The following MINPP1 variants were observed in gnomAD, a reference collection of about 807,000 sequenced individuals.
The protein encoded by MINPP1 is multiple inositol-polyphosphate phosphatase 1.
Under a neutral mutation model 46.1 loss-of-function variants are expected in MINPP1, and 28 were observed. The ratio of observed to expected loss-of-function variants is 0.61; its 90% confidence interval spans 0.45 to 0.83. The LOEUF (loss-of-function observed/expected upper bound fraction) is 0.83. MINPP1 is among the 40% of genes least tolerant of loss of function. MINPP1 has a pLI of 0.00. For synonymous variants in MINPP1, 268 were observed against 249.1 expected, an observed-to-expected ratio of 1.08 and a Z score of -0.72; for missense variants, 603 against 610.0, an observed-to-expected ratio of 0.99 and a Z score of 0.12.
intron 4 of MINPP1, among the ~76,000 whole-genome samples, chr10:87,531,330 A>G (rs1188103256): frequency 6.6e-6 from 1 of 152,160 alleles, no homozygotes; most frequent in African/African-American, 2.4e-5. Context: ...CCTCCTCATC[A>G]TCTTGCTTAT....
chr10:87,537,523 G>C (rs1428364081), intron 4 of MINPP1, among the ~76,000 whole-genome samples: 7 of 150,978 alleles, frequency 4.6e-5, no homozygotes, highest in Admixed American at 1.3e-4. Context: ...GTGTGTGTGT[G>C]TGTGTGTGTG....
intron 3 of MINPP1, among the ~76,000 whole-genome samples, chr10:87,517,371 G>A (rs984274636): frequency 5.9e-5 from 9 of 152,078 alleles, no homozygotes; most frequent in African/African-American, 2.2e-4. Context: ...CTGTAGCAGA[G>A]TATTAGAGGA....
Position 87,505,709 on chromosome 10 carries a change from G to A in MINPP1, c.637+157G>A, listed in dbSNP as rs908909244. ...TCGGGCTACGTCCTCCCTGTCGAGG[G>A]ATATTACAGACTTGGCTATCTCTTT... On this transcript the variant is annotated intron_variant, in intron 1 of 4. Coordinates refer to ENST00000371996, the MANE Select transcript of MINPP1 (RefSeq NM_004897.5). The surrounding 1 kb of genome is among the most constrained non-coding windows in gnomAD (Gnocchi z 4.4). Among the ~76,000 whole-genome samples, 3 of 152,174 alleles carry A rather than the reference G, an allele frequency of 2.0e-5. No homozygotes were observed. Among genetic ancestry groups the A allele is most frequent in the Non-Finnish European group, 4.4e-5 (3 of 68,024 alleles).
chr10:87,505,643 G>C lies in MINPP1; in HGVS notation c.637+91G>C. On this transcript the variant is annotated intron_variant, in intron 1 of 4. Coordinates refer to ENST00000371996, the MANE Select transcript of MINPP1 (RefSeq NM_004897.5). This position sits in a 1 kb window ranked among gnomAD's most constrained non-coding sequence, Gnocchi z 4.4. Reference sequence around the variant, plus strand: ...CCCCCAGACCCTGGGCTTTTCCGATGCCCCCCAGTTCTCTTTCCTCTTTTC... The same window carrying C: ...CCCCCAGACCCTGGGCTTTTCCGATCCCCCCCAGTTCTCTTTCCTCTTTTC... 2.5e-6 allele frequency: 3 copies of C among 1,196,848 alleles called. No individual in the cohort carries two copies. The highest frequency in any genetic ancestry group is 3.5e-6 in the Non-Finnish European group (3 of 853,254). 74.1% of individuals were successfully genotyped at this position (1,196,848 alleles called of 1,614,324 possible).
At position 87,552,592 on chromosome 10, in the gene MINPP1, G is replaced by A. The variant is rs1851980981; in HGVS notation, c.*114G>A. The A allele has an allele frequency of 9.3e-7, 1 of 1,080,158 alleles. No homozygotes were observed. Among genetic ancestry groups the A allele is most frequent in the African/African-American group, 1.6e-5 (1 of 63,520 alleles). 66.9% of individuals were successfully genotyped at this position (1,080,158 alleles called of 1,614,324 possible). On this transcript the variant is annotated 3_prime_UTR_variant, in exon 5 of 5. Transcript: ENST00000371996. ...GCTTTTATATTACTTGAGTATTTCTGTCTTTTCACAGAAAAACATTGGGTT... is the reference window on the plus strand; with the variant it reads ...GCTTTTATATTACTTGAGTATTTCTATCTTTTCACAGAAAAACATTGGGTT...
intron 4 of MINPP1, among the ~76,000 whole-genome samples, chr10:87,535,449 A>G (rs987549636): frequency 6.6e-5 from 10 of 152,214 alleles, no homozygotes; most frequent in African/African-American, 2.4e-4. Flanking sequence ...AAATTTGGCT[A>G]GAGAAGAATA....
In MINPP1 at chr10:87,535,150, G is replaced by A. The variant is rs533195973; in HGVS notation, c.1067+13981G>A. Among the ~76,000 whole-genome samples, 6 of 152,340 alleles carry A rather than the reference G, an allele frequency of 3.9e-5. No individual in the cohort carries two copies. The South Asian group carries it at 1.2e-3, about 32-fold the overall frequency. ...CTTCTGTGTGGATGTAAGATGTAAGGTGAGCCTTAATCATTGACACTGTAG... is the reference window on the plus strand; with the variant it reads ...CTTCTGTGTGGATGTAAGATGTAAGATGAGCCTTAATCATTGACACTGTAG... On this transcript the variant is annotated intron_variant, in intron 4 of 4. Transcript: ENST00000371996.
rs1851990044 is a variant in MINPP1 at position 87,553,298 on chromosome 10, T to G, written c.*820T>G. On this transcript the variant is annotated 3_prime_UTR_variant, in exon 5 of 5. Transcript: ENST00000371996. ...ATATGAAATGTATCTTTTGGTTGTT[T>G]GATTTTTCTTTCTTTCTTTGTAAAT... 6.6e-6 allele frequency: 1 copy of G among 152,148 alleles called. No individual in the cohort carries two copies. 9.4% of individuals were successfully genotyped at this position (152,148 alleles called of 1,614,324 possible).
At chr10:87,523,129 A>G (rs1851526318) in intron 4 of MINPP1, among the ~76,000 whole-genome samples, 1 of 152,126 alleles carries the variant, frequency 6.6e-6, no homozygotes. Flanking sequence ...CCTATCATCC[A>G]TGAGGGTTGG....
chr10:87,534,410 G>A (rs1851704773), intron 4 of MINPP1, among the ~76,000 whole-genome samples: 1 of 152,072 alleles, frequency 6.6e-6, no homozygotes, highest in East Asian at 1.9e-4. Flanking sequence ...AACTAGCCTG[G>A]CTGTACTCTG....
At chr10:87,510,736 G>T (rs888519343) in intron 2 of MINPP1, among the ~76,000 whole-genome samples, 11 of 152,124 alleles carry the variant, frequency 7.2e-5, no homozygotes, top group Non-Finnish European at 1.3e-4. Flanking sequence ...CTCTATCAAA[G>T]ACACAAAAGT....
At chr10:87,519,417 GAGAC>G (rs932780035) in intron 3 of MINPP1, among the ~76,000 whole-genome samples, 2 of 152,190 alleles carry the variant, frequency 1.3e-5, no homozygotes, top group Admixed American at 6.5e-5. Flanking sequence ...CTTGAGCTAA[GAGAC>G]AGCGTCACCT....
At position 87,516,205 on chromosome 10, in the gene MINPP1, A is replaced by G. The variant is rs1458480890; in HGVS notation, c.933+2984A>G. On this transcript the variant is annotated intron_variant, in intron 3 of 4. Coordinates refer to ENST00000371996, the MANE Select transcript of MINPP1 (RefSeq NM_004897.5). ...TAATTAGATATCCTGGACTTTGTGT[A>G]CCTTCAGCAAGCATTTTTTGAGTTT... Among the ~76,000 whole-genome samples the G allele has an allele frequency of 5.7e-5, 6 of 104,416 alleles. 1 individual carries two copies. 68.5% of individuals were successfully genotyped at this position (104,416 alleles called of 152,430 possible). A position where few individuals can be genotyped will look rare whatever the true frequency, so the allele number is the denominator to read the frequency against.
chr10:87,541,803 A>G (rs1851819252), intron 4 of MINPP1, among the ~76,000 whole-genome samples: 1 of 152,156 alleles, frequency 6.6e-6, no homozygotes, highest in African/African-American at 2.4e-5. Flanking sequence ...ACCAAATCTC[A>G]TATGAACTAA....
At chr10:87,523,955 G>A (rs1851538581) in intron 4 of MINPP1, among the ~76,000 whole-genome samples, 1 of 152,244 alleles carries the variant, frequency 6.6e-6, no homozygotes, top group Admixed American at 6.5e-5. Flanking sequence ...TATTTATAGA[G>A]CACAGGCAGA....
At chr10:87,517,403 G>C (rs557658551) in intron 3 of MINPP1, among the ~76,000 whole-genome samples, 1 of 152,060 alleles carries the variant, frequency 6.6e-6, no homozygotes, top group Non-Finnish European at 1.5e-5. Context: ...AGGGGCAAGC[G>C]GTAACTTCTT....
chr10:87,552,323 T>C lies in MINPP1; in HGVS notation c.1309T>C (p.Leu437=), dbSNP rs1589389176. ...TPKEQFRVQM[L]LNEKVLPLAY... is the part of the protein sequence containing the mutation. ...TAAAGAACAATTCCGAGTGCAGATG[T>C]TATTAAATGAAAAGGTGTTACCTTT... Residue 437 remains leucine (L), a synonymous_variant, in exon 5 of 5, where the codon TTA becomes CTA. Transcript: ENST00000371996. 1.2e-6 allele frequency: 2 copies of C among 1,613,832 alleles called. No homozygotes were observed. The highest frequency in any genetic ancestry group is 1.7e-5 in the Admixed American group (1 of 59,952).
chr10:87,513,356 C>T (rs1851363788), intron 3 of MINPP1, 135 bp downstream of exon 3: 1 of 665,634 alleles, frequency 1.5e-6, no homozygotes, highest in Non-Finnish European at 2.7e-6. Context: ...TGACTAACTC[C>T]TAATTTTCCT....
chr10:87,541,110 C>T (rs1851809912), intron 4 of MINPP1, among the ~76,000 whole-genome samples: 1 of 152,180 alleles, frequency 6.6e-6, no homozygotes, highest in African/African-American at 2.4e-5. Context: ...CCATTTGACA[C>T]TATGCTACTT....
Sources: gnomAD v4.1 joint callset for allele counts (sites outside exome capture counted in the v4.1 genomes callset) on GRCh38, gnomAD v4.1.1 for gene constraint, Gnocchi (gnomAD v3.1) non-coding constraint, MANE v1.5 for transcripts, NCBI Gene and HGNC (gene_info 2026-07-23, HGNC 2026-07-21) for gene names.